The following PDE5A variants were observed in gnomAD, a reference collection of about 807,000 sequenced individuals.
PDE5A encodes the protein phosphodiesterase 5A, also known as cGMP-specific 3',5'-cyclic phosphodiesterase.
Under a neutral mutation model 110.2 loss-of-function variants are expected in PDE5A, and 67 were observed. The ratio of observed to expected loss-of-function variants is 0.61; its 90% confidence interval spans 0.50 to 0.75. The LOEUF is 0.75. Among genes scored for constraint, PDE5A ranks in the 30% least tolerant of loss-of-function variants. The pLI is 0.00. For synonymous variants in PDE5A, 328 were observed against 351.2 expected (o/e 0.93, Z 0.74); for missense variants, 862 against 1,045.1 (o/e 0.82, Z 2.42).
chr4:119,511,033 A>C lies in PDE5A; in HGVS notation c.2088+14T>G, dbSNP rs1024956545. Reference sequence around the variant, plus strand: ...TCTCTTTTAAAATTCCACAACAATAAATTAGGTACTTACTGGACTATTAAG... The same window carrying C: ...TCTCTTTTAAAATTCCACAACAATACATTAGGTACTTACTGGACTATTAAG... On this transcript the variant is annotated intron_variant, in intron 15 of 20. Transcript: ENST00000354960. 1 of 1,396,226 alleles carries C rather than the reference A, an allele frequency of 7.2e-7. No individual in the cohort carries two copies. The highest frequency in any genetic ancestry group is 9.9e-7 in the Non-Finnish European group (1 of 1,005,932). 86.5% of individuals were successfully genotyped at this position (1,396,226 alleles called of 1,614,324 possible).
At chr4:119,520,335 G>A (rs1726078754) in intron 13 of PDE5A, among the ~76,000 whole-genome samples, 1 of 152,098 alleles carries the variant, frequency 6.6e-6, no homozygotes. Flanking sequence ...TCCCACTGAA[G>A]TTAGAATCTA....
At chr4:119,555,085 G>A (rs529705082) in intron 7 of PDE5A, among the ~76,000 whole-genome samples, 4 of 152,206 alleles carry the variant, frequency 2.6e-5, no homozygotes, top group Admixed American at 6.6e-5. Flanking sequence ...TTCATATGGC[G>A]TCCTTCAGCG....
intron 3 of PDE5A, among the ~76,000 whole-genome samples, chr4:119,584,428 CCT>C (rs532938707): frequency 1.4e-3 from 217 of 152,288 alleles, no homozygotes; most frequent in Admixed American, 3.0e-3. Context: ...CTTCCCTCTC[CCT>C]CATTCCTCCA....
chr4:119,619,681 T>C (rs915751649), intron 1 of PDE5A, among the ~76,000 whole-genome samples: 1 of 152,254 alleles, frequency 6.6e-6, no homozygotes, highest in African/African-American at 2.4e-5. Flanking sequence ...TGTGATTACA[T>C]TTAAGGCACT....
chr4:119,503,382 A>G lies in PDE5A; in HGVS notation c.2332-727T>C, dbSNP rs188014972. 5.3e-4 allele frequency among the ~76,000 whole-genome samples: 80 copies of G among 152,256 alleles called. 1 individual carries two copies. In the Middle Eastern group the frequency reaches 0.014, roughly 26 times the overall value. ...ACATTATAGCAGTTACTTAGAGGGA[A>G]GGATTTTTTTCTAGCCTCCTGGTAA... On this transcript the variant is annotated intron_variant, in intron 18 of 20. Coordinates refer to ENST00000354960, the MANE Select transcript of PDE5A (RefSeq NM_001083.4).
At chr4:119,514,877 A>T (rs1312090702) in intron 14 of PDE5A, among the ~76,000 whole-genome samples, 1 of 152,208 alleles carries the variant, frequency 6.6e-6, no homozygotes, top group Non-Finnish European at 1.5e-5. Flanking sequence ...TTATTCCATT[A>T]TACAAAGAAG....
chr4:119,609,572 G>A (rs908853270), intron 1 of PDE5A, among the ~76,000 whole-genome samples: 5 of 152,020 alleles, frequency 3.3e-5, no homozygotes, highest in Non-Finnish European at 1.5e-5. Context: ...ACATTACTCT[G>A]AAATGATACC....
At chr4:119,599,539 T>C (rs1165897110) in intron 2 of PDE5A, among the ~76,000 whole-genome samples, 1 of 151,976 alleles carries the variant, frequency 6.6e-6, no homozygotes, top group Non-Finnish European at 1.5e-5. Context: ...AAGTATAGTG[T>C]GTAAAACACC....
intron 1 of PDE5A, among the ~76,000 whole-genome samples, chr4:119,621,389 A>C (rs1730136715): frequency 1.3e-5 from 2 of 152,236 alleles, no homozygotes; most frequent in Admixed American, 6.5e-5. Flanking sequence ...TAATCTGGGG[A>C]AGACTGATAT....
intron 1 of PDE5A, among the ~76,000 whole-genome samples, chr4:119,608,065 A>G (rs1729604591): frequency 6.6e-6 from 1 of 152,228 alleles, no homozygotes; most frequent in African/African-American, 2.4e-5. Flanking sequence ...AGTTATATCT[A>G]TATTGCAAAA....
intron 3 of PDE5A, among the ~76,000 whole-genome samples, chr4:119,594,872 T>C (rs1051025812): frequency 1.6e-4 from 24 of 152,162 alleles, no homozygotes; most frequent in African/African-American, 5.6e-4. Flanking sequence ...TAGAAAAGAA[T>C]CTCAGGTTCT....
rs1725154746 is a variant in PDE5A at position 119,498,217 on chromosome 4, T to A, written c.*384A>T. On this transcript the variant is annotated 3_prime_UTR_variant, in exon 21 of 21. Coordinates refer to ENST00000354960, the MANE Select transcript of PDE5A (RefSeq NM_001083.4). ...AACCTACTTTTGAAAAAGGAAAGATTCCAAACATTCTTGAAAAAATGGTAA... is the reference window on the plus strand; with the variant it reads ...AACCTACTTTTGAAAAAGGAAAGATACCAAACATTCTTGAAAAAATGGTAA... The A allele has an allele frequency of 6.2e-6, 1 of 160,426 alleles. No homozygotes were observed. Among genetic ancestry groups the A allele is most frequent in the South Asian group, 1.9e-4 (1 of 5,176 alleles). 9.9% of individuals were successfully genotyped at this position (160,426 alleles called of 1,614,324 possible).
At chr4:119,625,905 T>C (rs976568045) in intron 1 of PDE5A, among the ~76,000 whole-genome samples, 15 of 152,326 alleles carry the variant, frequency 9.8e-5, no homozygotes, top group Non-Finnish European at 2.1e-4. Context: ...AATTGGAATA[T>C]TGTTTCATGA....
rs186047350 is a variant in PDE5A, at chr4:119,616,675, C to T, written c.153-9378G>A. Among the ~76,000 whole-genome samples, 66 of 150,778 alleles carry T rather than the reference C, an allele frequency of 4.4e-4. No individual in the cohort carries two copies. In the East Asian group the frequency reaches 9.3e-3, roughly 21 times the overall value. On this transcript the variant is annotated intron_variant, in intron 1 of 20. Transcript: ENST00000354960. ...TTCCAGCAGCTGCTGCAGGAAAAGG[C>T]GAAAGTTGACAGACATTTTGTGTCT...
intron 1 of PDE5A, among the ~76,000 whole-genome samples, chr4:119,617,043 T>C (rs1729967715): frequency 6.6e-6 from 1 of 152,120 alleles, no homozygotes; most frequent in Non-Finnish European, 1.5e-5. Context: ...CTTCATCTCA[T>C]AGTCTCTAAA....
intron 14 of PDE5A, among the ~76,000 whole-genome samples, 158 bp from the exon 15 acceptor site, chr4:119,511,292 T>C (rs3775845): frequency 0.26 from 39,979 of 151,984 alleles, 5,389 homozygotes; most frequent in East Asian, 0.38. Context: ...TGTGAGATAA[T>C]CTCTGGGAAA....
At chr4:119,584,251 A>T (rs1728682591) in intron 3 of PDE5A, among the ~76,000 whole-genome samples, 1 of 152,242 alleles carries the variant, frequency 6.6e-6, no homozygotes, top group South Asian at 2.1e-4. Flanking sequence ...TGGGGAGGCA[A>T]TGTAGAGATT....
intron 3 of PDE5A, chr4:119,569,573 A>G (rs1247968274): frequency 6.6e-6 from 1 of 152,300 alleles, no homozygotes; most frequent in Admixed American, 6.6e-5. Flanking sequence ...CTTTGTATCC[A>G]ACTGTGATAG....
intron 4 of PDE5A, among the ~76,000 whole-genome samples, 193 bp from the exon 5 acceptor site, chr4:119,565,603 A>G (rs1226674126): frequency 1.3e-5 from 2 of 152,154 alleles, no homozygotes; most frequent in Non-Finnish European, 2.9e-5. Context: ...TAAATTAGGT[A>G]TAAATCAATA....
Sources: allele counts gnomAD v4.1 joint callset (sites outside exome capture counted in the v4.1 genomes callset), GRCh38; gene constraint gnomAD v4.1.1; transcripts MANE v1.5; gene names NCBI Gene and HGNC (gene_info 2026-07-23, HGNC 2026-07-21).